Variants in SGCZ observed in about 807,000 individuals in gnomAD.
The protein encoded by SGCZ is zeta-sarcoglycan.
In SGCZ, 40 loss-of-function variants were observed where a neutral mutation model predicts 41.3. The ratio of observed to expected loss-of-function variants is 0.97; its 90% CI spans 0.75 to 1.26. SGCZ has a LOEUF of 1.26. Among genes scored for constraint, SGCZ ranks in the 50% most tolerant of loss-of-function variants. The pLI, the probability that SGCZ is intolerant of heterozygous loss-of-function variation, is 0.00. For synonymous variants in SGCZ, 206 were observed against 137.5 expected (o/e 1.50, Z -3.49); for missense variants, 552 against 369.8 (o/e 1.49, Z -4.04).
intron 1 of SGCZ, among the ~76,000 whole-genome samples, chr8:15,174,615 T>G (rs2097801564): frequency 6.6e-6 from 1 of 152,168 alleles, no homozygotes; most frequent in African/African-American, 2.4e-5. Flanking sequence ...TGGTATCAAA[T>G]TATTTTCCCA....
chr8:14,251,920 G>T (rs1232970996), intron 3 of SGCZ, among the ~76,000 whole-genome samples: 1 of 152,076 alleles, frequency 6.6e-6, no homozygotes. Flanking sequence ...ATGTTGGCCA[G>T]GATGGTCTCG....
chr8:14,463,532 A>C (rs908720781), intron 2 of SGCZ, among the ~76,000 whole-genome samples: 11 of 151,754 alleles, frequency 7.2e-5, no homozygotes, highest in African/African-American at 2.7e-4. Context: ...TAAAACTATA[A>C]AATTTTTTTA....
At chr8:14,674,780 C>A (rs1210572672) in intron 1 of SGCZ, among the ~76,000 whole-genome samples, 1 of 151,396 alleles carries the variant, frequency 6.6e-6, no homozygotes, top group Non-Finnish European at 1.5e-5. Context: ...AGCCCCTCCC[C>A]TGCCCTCTCC....
intron 1 of SGCZ, among the ~76,000 whole-genome samples, chr8:14,693,415 C>T (rs1808862608): frequency 6.6e-6 from 1 of 151,654 alleles, no homozygotes; most frequent in Non-Finnish European, 1.5e-5. Context: ...CCTTAGCCTC[C>T]TGAGTAGCTG....
intron 4 of SGCZ, among the ~76,000 whole-genome samples, chr8:14,200,030 G>A (rs78439349): frequency 6.1e-4 from 93 of 152,232 alleles, no homozygotes; most frequent in East Asian, 2.7e-3. Flanking sequence ...AAACAGAAAC[G>A]TATTCTTATT....
intron 2 of SGCZ, among the ~76,000 whole-genome samples, chr8:14,365,306 ATTACT>A (rs968794659): frequency 6.6e-6 from 1 of 152,000 alleles, no homozygotes; most frequent in African/African-American, 2.4e-5. Context: ...CTAATAGTTA[ATTACT>A]TTAGTTAAAT....
intron 1 of SGCZ, among the ~76,000 whole-genome samples, chr8:14,692,060 T>C (rs1808817539): frequency 6.6e-6 from 1 of 152,012 alleles, no homozygotes; most frequent in African/African-American, 2.4e-5. Flanking sequence ...CTCAAGAATG[T>C]CAACAACATA....
intron 1 of SGCZ, among the ~76,000 whole-genome samples, chr8:14,888,823 CATT>C (rs577696738): frequency 1.1e-3 from 172 of 152,140 alleles, no homozygotes; most frequent in African/African-American, 3.9e-3. Context: ...GTGAAGTAAA[CATT>C]ATTTTTTCAC....
At chr8:14,102,534 A>T in intron 6 of SGCZ, 35 bp from the exon 7 acceptor site, 1 of 1,334,530 alleles carries the variant, frequency 7.5e-7, no homozygotes, top group Non-Finnish European at 9.7e-7. Flanking sequence ...AATAGGAAAA[A>T]AAAACACAAA....
intron 2 of SGCZ, among the ~76,000 whole-genome samples, chr8:14,379,986 G>A (rs765269152): frequency 2.0e-5 from 3 of 152,100 alleles, no homozygotes; most frequent in Non-Finnish European, 2.9e-5. Flanking sequence ...ACCCACCTCG[G>A]CCTCCGAAGT....
intron 4 of SGCZ, among the ~76,000 whole-genome samples, chr8:14,206,620 A>T (rs1805624156): frequency 1.3e-5 from 2 of 152,178 alleles, no homozygotes; most frequent in African/African-American, 4.8e-5. Context: ...ACTAAGATGT[A>T]TGTAAGTTTA....
intron 1 of SGCZ, among the ~76,000 whole-genome samples, chr8:15,160,306 TTG>T (rs1453415120): frequency 1.3e-5 from 2 of 152,212 alleles, no homozygotes; most frequent in East Asian, 3.9e-4. Flanking sequence ...ATTGACCATA[TTG>T]TGTCAGAATC....
chr8:14,349,171 A>G (rs1450628724), intron 2 of SGCZ, among the ~76,000 whole-genome samples: 1 of 152,124 alleles, frequency 6.6e-6, no homozygotes, highest in African/African-American at 2.4e-5. Flanking sequence ...ATCCTAACCA[A>G]TATGCATAGT....
rs932386594 is a variant in SGCZ at position 14,992,245 on chromosome 8, A to C, written c.39+245340T>G. Among the ~76,000 whole-genome samples the C allele has an allele frequency of 8.8e-4, 128 of 145,202 alleles. 1 individual carries two copies. The highest frequency in any genetic ancestry group is 5.4e-4 in the Non-Finnish European group (36 of 66,420). The stretch of plus-strand genomic sequence containing the variant: ...ACTCCCAAATCTACTCCCAAAACCA[A>C]TGTTACCCTTGCTATTTACCTCTCA... On this transcript the variant is annotated intron_variant, in intron 1 of 7. Coordinates refer to ENST00000382080, the MANE Select transcript of SGCZ (RefSeq NM_139167.4).
chr8:14,602,299 T>C (rs1805619205), intron 1 of SGCZ, among the ~76,000 whole-genome samples: 1 of 152,032 alleles, frequency 6.6e-6, no homozygotes, highest in Non-Finnish European at 1.5e-5. Context: ...TGAGTTGTAT[T>C]TATGACAGTG....
intron 1 of SGCZ, among the ~76,000 whole-genome samples, chr8:14,985,538 T>C (rs1801801104): frequency 6.6e-6 from 1 of 152,178 alleles, no homozygotes; most frequent in Admixed American, 6.6e-5. Context: ...CCTCAGTGCC[T>C]TGAATTAGAA....
chr8:14,860,473 G>C lies in SGCZ; in HGVS notation c.40-305547C>G, dbSNP rs1358398331. Among the ~76,000 whole-genome samples, 4 of 148,772 alleles carry C rather than the reference G, an allele frequency of 2.7e-5. No individual in the cohort carries two copies. The East Asian group carries it at 6.0e-4, about 22-fold the overall frequency. ...GAGAGAAGGAAAGAGAAGAGAGTGA[G>C]AGAAGGAAGAGGAGAAAGAGAAAGA... On this transcript the variant is annotated intron_variant, in intron 1 of 7. Transcript: ENST00000382080.
At chr8:14,569,776 C>T (rs1804495033) in intron 1 of SGCZ, among the ~76,000 whole-genome samples, 1 of 152,022 alleles carries the variant, frequency 6.6e-6, no homozygotes, top group South Asian at 2.1e-4. Flanking sequence ...TCCAGGAGGT[C>T]GTGAAGGAGG....
At chr8:15,232,706 CAT>C (rs531402644) in intron 1 of SGCZ, among the ~76,000 whole-genome samples, 57 of 111,644 alleles carry the variant, frequency 5.1e-4, no homozygotes, top group South Asian at 2.4e-3. Context: ...TATATATATA[CAT>C]ATATATGTGT....
Sources: allele counts gnomAD v4.1 joint callset (sites outside exome capture counted in the v4.1 genomes callset), GRCh38; gene constraint gnomAD v4.1.1; transcripts MANE v1.5; gene names NCBI Gene and HGNC (gene_info 2026-07-23, HGNC 2026-07-21).